Variants in NTF3 observed in about 807,000 individuals in gnomAD.
NTF3 encodes neurotrophin-3.
Under a neutral mutation model 26.3 loss-of-function variants are expected in NTF3, and 8 were observed. The ratio of observed to expected loss-of-function variants is 0.30; its 90% CI spans 0.18 to 0.55. NTF3 has a LOEUF of 0.55. NTF3 is among the 20% of genes least tolerant of loss of function. The pLI is 0.93. For synonymous variants in NTF3, 154 were observed against 145.5 expected (o/e 1.06, Z -0.42); for missense variants, 276 against 352.9 (o/e 0.78, Z 1.75).
At chr12:5,472,808 G>C (rs1940681355) in intron 1 of NTF3, among the ~76,000 whole-genome samples, 1 of 152,194 alleles carries the variant, frequency 6.6e-6, no homozygotes, top group Non-Finnish European at 1.5e-5. Flanking sequence ...ATTCGCAGGA[G>C]CTGGCCTCAG....
At chr12:5,460,541 G>A (rs1157195111) in intron 1 of NTF3, among the ~76,000 whole-genome samples, 2 of 152,122 alleles carry the variant, frequency 1.3e-5, no homozygotes, top group Non-Finnish European at 2.9e-5. Flanking sequence ...TCACCACAAG[G>A]CCAGTCATCC....
intron 1 of NTF3, among the ~76,000 whole-genome samples, chr12:5,447,398 C>T (rs1349454750): frequency 6.6e-6 from 1 of 152,146 alleles, no homozygotes; most frequent in South Asian, 2.1e-4. Context: ...TCAATAATTC[C>T]CCTGTGGGAT....
chr12:5,485,925 T>G (rs1940861271), intron 1 of NTF3, among the ~76,000 whole-genome samples: 1 of 152,158 alleles, frequency 6.6e-6, no homozygotes, highest in Non-Finnish European at 1.5e-5. Flanking sequence ...CTCAAGAGCA[T>G]GATGGCGGCC....
chr12:5,449,339 T>C (rs1194225312), intron 1 of NTF3, among the ~76,000 whole-genome samples: 1 of 152,200 alleles, frequency 6.6e-6, no homozygotes, highest in Non-Finnish European at 1.5e-5. Flanking sequence ...AAAGAGCCTA[T>C]TGCTCACTCT....
At chr12:5,447,466 A>C (rs1239166658) in intron 1 of NTF3, among the ~76,000 whole-genome samples, 1 of 152,228 alleles carries the variant, frequency 6.6e-6, no homozygotes, top group African/African-American at 2.4e-5. Context: ...GCTAGGCATC[A>C]TTACAGCGAA....
intron 1 of NTF3, among the ~76,000 whole-genome samples, chr12:5,467,177 C>T (rs1359462215): frequency 3.9e-5 from 5 of 128,616 alleles, no homozygotes; most frequent in Non-Finnish European, 6.2e-5. Flanking sequence ...TGCAATGAGC[C>T]GAGATCATGC....
chr12:5,448,332 A>G (rs565973953), intron 1 of NTF3, among the ~76,000 whole-genome samples: 6 of 151,948 alleles, frequency 3.9e-5, no homozygotes, highest in South Asian at 4.2e-4. Flanking sequence ...GGGCTTTTCT[A>G]TTGGTGGAAT....
At chr12:5,485,473 G>A (rs773714017) in intron 1 of NTF3, among the ~76,000 whole-genome samples, 7 of 152,166 alleles carry the variant, frequency 4.6e-5, no homozygotes, top group Non-Finnish European at 1.0e-4. Context: ...TAATCCTTCT[G>A]AGCCTCAGTT....
At chr12:5,489,082 A>T (rs945896397) in intron 1 of NTF3, among the ~76,000 whole-genome samples, 1 of 152,192 alleles carries the variant, frequency 6.6e-6, no homozygotes, top group Non-Finnish European at 1.5e-5. Flanking sequence ...TGTTCTGTCC[A>T]CTACAACACA....
intron 1 of NTF3, among the ~76,000 whole-genome samples, chr12:5,466,841 T>G (rs1940595971): frequency 1.3e-5 from 2 of 152,140 alleles, no homozygotes; most frequent in Non-Finnish European, 2.9e-5. Context: ...AAATCTGAAC[T>G]CTGTGTACTT....
intron 1 of NTF3, among the ~76,000 whole-genome samples, chr12:5,491,879 G>T (rs1940942879): frequency 6.6e-6 from 1 of 151,774 alleles, no homozygotes; most frequent in South Asian, 2.1e-4. Context: ...ACCGTGCCCT[G>T]CTAATTTTTG....
At position 5,432,192 on chromosome 12, in the gene NTF3, T is replaced by A; in HGVS notation, c.-133T>A. 9.4e-7 allele frequency: 1 copy of A among 1,067,262 alleles called. No individual in the cohort carries two copies. The highest frequency in any genetic ancestry group is 1.4e-6 in the Non-Finnish European group (1 of 695,490). 66.1% of individuals were successfully genotyped at this position (1,067,262 alleles called of 1,614,324 possible). Reference sequence around the variant, plus strand: ...CCCGGCGCAACTACTTTCTTCTCTCTCCTTTCTTTCTTCCTCTCCTTTTTC... The same window carrying A: ...CCCGGCGCAACTACTTTCTTCTCTCACCTTTCTTTCTTCCTCTCCTTTTTC... On this transcript the variant is annotated 5_prime_UTR_variant, in exon 1 of 2. Coordinates refer to ENST00000423158, the MANE Select transcript of NTF3 (RefSeq NM_001102654.2).
chr12:5,475,962 C>A (rs1250825695), intron 1 of NTF3, among the ~76,000 whole-genome samples: 1 of 151,588 alleles, frequency 6.6e-6, no homozygotes, highest in Non-Finnish European at 1.5e-5. Flanking sequence ...AAAGACAAGA[C>A]AAGAAAAGAA....
At chr12:5,482,138 CAT>C (rs1282972849) in intron 1 of NTF3, among the ~76,000 whole-genome samples, 16 of 152,156 alleles carry the variant, frequency 1.1e-4, no homozygotes, top group Admixed American at 9.8e-4. Context: ...CACAGACACA[CAT>C]AGACACATGT....
At chr12:5,468,901 G>A (rs768673547) in intron 1 of NTF3, among the ~76,000 whole-genome samples, 3 of 152,126 alleles carry the variant, frequency 2.0e-5, no homozygotes, top group Admixed American at 1.3e-4. Flanking sequence ...CAGGTGGATC[G>A]CTTTAGCCCA....
At position 5,494,954 on chromosome 12, in the gene NTF3, T is replaced by C; in HGVS notation, c.779T>C (p.Val260Ala). ...TGGATACGGATAGACACGTCCTGTG[T>C]GTGTGCCTTGTCGAGAAAAATCGGA... ...WRWIRIDTSCVCALSRKIGRT is the reference protein window; with the variant it reads ...WRWIRIDTSCACALSRKIGRT The change falls in exon 2 of 2, where the codon GTG becomes GCG. Residue 260 changes from valine to alanine, a missense_variant. Around this residue, in one of 3 missense-constraint regions of NTF3, gnomAD observed 52 missense variants for 78.4 expected, o/e 0.66. Coordinates refer to ENST00000423158, the MANE Select transcript of NTF3 (RefSeq NM_001102654.2). The surrounding 1 kb of genome is among the most constrained non-coding windows in gnomAD (Gnocchi z 8.3). 6.2e-7 allele frequency: 1 copy of C among 1,614,118 alleles called. No individual in the cohort carries two copies.
At chr12:5,465,394 C>T (rs774558438) in intron 1 of NTF3, among the ~76,000 whole-genome samples, 5 of 152,192 alleles carry the variant, frequency 3.3e-5, no homozygotes, top group South Asian at 4.1e-4. Context: ...ACCACGACAA[C>T]GTGTGTTTGT....
intron 1 of NTF3, among the ~76,000 whole-genome samples, chr12:5,466,079 G>A (rs1242643363): frequency 6.6e-6 from 1 of 152,188 alleles, no homozygotes; most frequent in Non-Finnish European, 1.5e-5. Context: ...AAGAATATCA[G>A]ACCAAGATGG....
intron 1 of NTF3, among the ~76,000 whole-genome samples, chr12:5,493,614 A>T (rs989643354): frequency 1.3e-5 from 2 of 152,080 alleles, no homozygotes; most frequent in Non-Finnish European, 2.9e-5. Flanking sequence ...GTTCATTTCC[A>T]AGGGCAGGAG....
Sources: allele counts gnomAD v4.1 joint callset (sites outside exome capture counted in the v4.1 genomes callset), GRCh38; gene constraint gnomAD v4.1.1; regional missense constraint gnomAD v4.1.1; non-coding constraint Gnocchi (gnomAD v3.1); transcripts MANE v1.5; gene names NCBI Gene and HGNC (gene_info 2026-07-23, HGNC 2026-07-21).